GCSAML: variants seen among roughly 807,000 people sequenced by gnomAD.
GCSAML encodes the protein germinal center-associated signaling and motility-like protein.
A neutral mutation model predicts 13.0 loss-of-function variants in GCSAML; 9 were observed. The observed-to-expected ratio is 0.69, with a 90% CI of 0.42 to 1.21. The LOEUF (loss-of-function observed/expected upper bound fraction) is 1.21. Among genes scored for constraint, GCSAML ranks in the 50% most tolerant of loss-of-function variants. The pLI is 0.00. For missense variants in GCSAML, 143 were observed against 153.4 expected (o/e 0.93, Z 0.36); for synonymous variants, 37 against 52.9 (o/e 0.70, Z 1.31).
At chr1:247,571,277 G>T (rs527945337) in intron 4 of GCSAML, among the ~76,000 whole-genome samples, 8 of 152,124 alleles carry the variant, frequency 5.3e-5, no homozygotes, top group African/African-American at 9.7e-5. Flanking sequence ...CATTAGTTGA[G>T]CAGTTTCTTC....
At chr1:247,560,004 T>A (rs73150473) in intron 2 of GCSAML, among the ~76,000 whole-genome samples, 12,023 of 152,204 alleles carry the variant, frequency 0.079, 815 homozygotes, top group African/African-American at 0.18. Context: ...ATAATTTAGT[T>A]CATGAGAGAT....
chr1:247,536,814 T>C (rs1461351905), intron 2 of GCSAML, among the ~76,000 whole-genome samples: 1 of 152,246 alleles, frequency 6.6e-6, no homozygotes, highest in African/African-American at 2.4e-5. Context: ...GGAGATAGTC[T>C]GAGACATTTG....
chr1:247,531,845 C>A, intron 2 of GCSAML: 1 of 1,614,134 alleles, frequency 6.2e-7, no homozygotes, highest in Non-Finnish European at 8.5e-7. Context: ...ACGGCCCGGG[C>A]AATGTGGCCG....
At chr1:247,556,370 T>G (rs1375591478) in intron 1 of GCSAML, 37 bp from the exon 2 acceptor site, 3 of 1,494,628 alleles carry the variant, frequency 2.0e-6, no homozygotes, top group Non-Finnish European at 2.8e-6. Flanking sequence ...TGGAGGGCAG[T>G]AACAATCTCT....
rs1668765409 is a variant in GCSAML, at chr1:247,574,630, G to A, written c.*248G>A. On this transcript the variant is annotated 3_prime_UTR_variant, in exon 5 of 5. Transcript: ENST00000366488. The stretch of plus-strand genomic sequence containing the variant: ...TTTTGCTTGTAAAGTTTGAGGACAT[G>A]GAGGTGATAAAAAAAACTTTCTTAG... The A allele has an allele frequency of 4.4e-6, 2 of 452,110 alleles. No individual in the cohort carries two copies. Among genetic ancestry groups the A allele is most frequent in the African/African-American group, 2.0e-5 (1 of 50,842 alleles). 28.0% of individuals were successfully genotyped at this position (452,110 alleles called of 1,614,324 possible).
At chr1:247,535,573 T>A (rs1558244422) in intron 2 of GCSAML, among the ~76,000 whole-genome samples, 1 of 152,200 alleles carries the variant, frequency 6.6e-6, no homozygotes, top group Non-Finnish European at 1.5e-5. Flanking sequence ...AAAAATTTTG[T>A]TGACTCACAG....
At chr1:247,565,707 T>C (rs1668322980) in intron 3 of GCSAML, 1 of 488,342 alleles carries the variant, frequency 2.0e-6, no homozygotes, top group Non-Finnish European at 3.6e-6. Context: ...AACATACTAT[T>C]GATGCTATCT....
At chr1:247,532,268 G>A in intron 2 of GCSAML, 2 of 1,614,212 alleles carry the variant, frequency 1.2e-6, no homozygotes. Flanking sequence ...TTAGCCAGGA[G>A]CTGTGGGACA....
At chr1:247,544,865 A>G (rs1667516638), upstream of GCSAML, among the ~76,000 whole-genome samples, 1 of 152,170 alleles carries the variant, frequency 6.6e-6, no homozygotes, top group South Asian at 2.1e-4. Flanking sequence ...AACAAAAACA[A>G]AACAAAACAA....
intron 2 of GCSAML, chr1:247,531,791 T>C: frequency 6.2e-7 from 1 of 1,613,956 alleles, no homozygotes; most frequent in South Asian, 1.1e-5. Context: ...GAAGAACAGG[T>C]GTTGAATGCC....
At position 247,532,602 on chromosome 1, in the gene GCSAML, A is replaced by G. The variant is rs917638792; in HGVS notation, c.-148+5548A>G. On this transcript the variant is annotated intron_variant, in intron 2 of 5. Coordinates refer to the GCSAML transcript ENST00000366489. ...ATGAAGCAATTACATCAGTTAGCAA[A>G]CATTAAAAGTGTATTTTAGTTCATT... The G allele has an allele frequency of 1.2e-5, 14 of 1,187,800 alleles. No individual in the cohort carries two copies. The Admixed American group carries it at 1.6e-4, about 14-fold the overall frequency. 73.6% of individuals were successfully genotyped at this position (1,187,800 alleles called of 1,614,324 possible). A position where few individuals can be genotyped will look rare whatever the true frequency, so the allele number is the denominator to read the frequency against.
At chr1:247,562,693 T>C (rs763876852) in intron 2 of GCSAML, among the ~76,000 whole-genome samples, 1 of 152,148 alleles carries the variant, frequency 6.6e-6, no homozygotes, top group Non-Finnish European at 1.5e-5. Context: ...TTTAGGAGTC[T>C]GACTGACAGA....
chr1:247,531,854 C>G lies in GCSAML; in HGVS notation c.-148+4800C>G, dbSNP rs776976495. ...TTCAACACGGCCCGGGCAATGTGGC[C>G]GTAAGAGACCAGGATGAGCCCCAGA... is the stretch of plus-strand genomic sequence containing the variant. On this transcript the variant is annotated intron_variant, in intron 2 of 5. Transcript: ENST00000366489. 3 of 1,614,088 alleles carry G rather than the reference C, an allele frequency of 1.9e-6. No individual in the cohort carries two copies. Among genetic ancestry groups the G allele is most frequent in the Admixed American group, 3.3e-5 (2 of 60,018 alleles).
chr1:247,526,919 T>C lies in GCSAML; in HGVS notation c.-262-21T>C. 1 of 455,450 alleles carries C rather than the reference T, an allele frequency of 2.2e-6. No homozygotes were observed. The highest frequency in any genetic ancestry group is 4.4e-6 in the Non-Finnish European group (1 of 226,578). 28.2% of individuals were successfully genotyped at this position (455,450 alleles called of 1,614,324 possible). ...TGGGACTTCCCTCTATTTAGAAAGG[T>C]CTTCTTTCACTTTCTTTCAGGATTT... On this transcript the variant is annotated intron_variant, in intron 1 of 5. Transcript: ENST00000366489. This position sits in a 1 kb window ranked among gnomAD's most constrained non-coding sequence, Gnocchi z 4.8.
chr1:247,561,247 C>T (rs1324984020), intron 2 of GCSAML, among the ~76,000 whole-genome samples: 2 of 152,130 alleles, frequency 1.3e-5, no homozygotes, highest in Non-Finnish European at 2.9e-5. Context: ...AGCCACCACA[C>T]CTGGCCTACT....
upstream of GCSAML, chr1:247,549,104 C>G: frequency 1.2e-6 from 2 of 1,613,368 alleles, no homozygotes. Flanking sequence ...AACGTCCTGC[C>G]TCATGCATTT....
upstream of GCSAML, chr1:247,549,041 G>T: frequency 3.2e-6 from 5 of 1,576,320 alleles, no homozygotes; most frequent in Non-Finnish European, 4.3e-6. Context: ...TCTATCATGC[G>T]CAGGCCCCTG....
chr1:247,508,440 T>C (rs1018433688), intron 1 of GCSAML, among the ~76,000 whole-genome samples: 1 of 152,158 alleles, frequency 6.6e-6, no homozygotes, highest in African/African-American at 2.4e-5. Flanking sequence ...ATTGCAAAAA[T>C]TTTCTGCCAT....
intron 3 of GCSAML, among the ~76,000 whole-genome samples, chr1:247,564,378 G>A (rs986097000): frequency 2.9e-5 from 3 of 103,232 alleles, no homozygotes; most frequent in Non-Finnish European, 3.9e-5. Context: ...GCAAGAGCCT[G>A]TCTTAAAAAA....
Sources: allele counts gnomAD v4.1 joint callset (sites outside exome capture counted in the v4.1 genomes callset), GRCh38; gene constraint gnomAD v4.1.1; non-coding constraint Gnocchi (gnomAD v3.1); transcripts MANE v1.5; gene names NCBI Gene and HGNC (gene_info 2026-07-23, HGNC 2026-07-21).